IARS1: variants seen among roughly 807,000 people sequenced by gnomAD.
The protein encoded by IARS1 is isoleucine--tRNA ligase, cytoplasmic.
IARS1 carries 124 observed loss-of-function variants against 168.2 expected under a neutral mutation model. That is an observed-to-expected ratio of 0.74 (90% CI 0.64 to 0.86). The LOEUF (loss-of-function observed/expected upper bound fraction) is 0.86, where lower values mean the gene tolerates loss of function less well. Ranked by LOEUF, IARS1 falls within the 40% of genes least tolerant of loss-of-function variation. The pLI is 0.00. For missense variants in IARS1, 1,452 were observed against 1,515.8 expected (o/e 0.96, Z 0.70); for synonymous variants, 532 against 529.4 (o/e 1.00, Z -0.07).
chr9:92,289,477 CAG>C, intron 1 of IARS1, 51 bp from the exon 2 acceptor site: 1 of 816,680 alleles, frequency 1.2e-6, no homozygotes, highest in Non-Finnish European at 2.2e-6. Context: ...CTAGGAATAA[CAG>C]AGTACCATAT....
chr9:92,268,363 A>C, intron 13 of IARS1, 63 bp from the exon 14 acceptor site: 1 of 1,540,660 alleles, frequency 6.5e-7, no homozygotes, highest in East Asian at 2.3e-5. Context: ...CATGTAAATA[A>C]TACCCACAGG....
At chr9:92,293,497 C>T (rs1434050956) in intron 1 of IARS1, 114 bp downstream of exon 1, 1 of 527,720 alleles carries the variant, frequency 1.9e-6, no homozygotes, top group Admixed American at 2.0e-5. Flanking sequence ...AACGGCAAGC[C>T]CCGAAGAAAC....
At chr9:92,286,477 C>A in intron 5 of IARS1, 59 bp downstream of exon 5, 1 of 880,810 alleles carries the variant, frequency 1.1e-6, no homozygotes, top group Non-Finnish European at 1.8e-6. Flanking sequence ...TGCATTTTTC[C>A]AATTATCAAT....
At position 92,250,846 on chromosome 9, in the gene IARS1, C is replaced by T; in HGVS notation, c.2308-12G>A. The T allele has an allele frequency of 5.0e-6, 8 of 1,591,288 alleles. No homozygotes were observed. The highest frequency in any genetic ancestry group is 6.8e-6 in the Non-Finnish European group (8 of 1,170,328). The stretch of plus-strand genomic sequence containing the variant: ...GGTGTGTAGGGAGCCTGTATGAAGA[C>T]ACAGGACATCATGTCAGTTATATGC... On this transcript the variant is annotated splice_polypyrimidine_tract_variant and intron_variant, in intron 22 of 33. Coordinates refer to ENST00000443024, the MANE Select transcript of IARS1 (RefSeq NM_002161.6).
At chr9:92,282,297 A>G (rs1320647507) in intron 6 of IARS1, among the ~76,000 whole-genome samples, 1 of 151,442 alleles carries the variant, frequency 6.6e-6, no homozygotes, top group Non-Finnish European at 1.5e-5. Context: ...ATCAAAATTA[A>G]TTTTTTTCTT....
chr9:92,224,549 T>C (rs965623908), intron 31 of IARS1, among the ~76,000 whole-genome samples: 2 of 152,090 alleles, frequency 1.3e-5, no homozygotes, highest in Non-Finnish European at 2.9e-5. Flanking sequence ...GATCTAAAAA[T>C]GGGTGAGGCT....
intron 33 of IARS1, among the ~76,000 whole-genome samples, chr9:92,214,760 C>G (rs1838356154): frequency 6.6e-6 from 1 of 152,230 alleles, no homozygotes. Context: ...GCACCTAGCT[C>G]GGAGGGTCCT....
chr9:92,285,648 C>A, intron 6 of IARS1, 74 bp downstream of exon 6: 1 of 880,056 alleles, frequency 1.1e-6, no homozygotes, highest in Non-Finnish European at 1.9e-6. Context: ...CTTGGGAATA[C>A]CTACTGTGAT....
chr9:92,245,014 G>A lies in IARS1; in HGVS notation c.2849C>T (p.Thr950Ile), dbSNP rs1347752502. ...LHDEDIRLMY[T>I]FDQATGGTAQ... ...AGTCCCACCTGTGGCCTGATCAAAGGTGTACATGAGGCGGATGTCTTCATC... is the reference window on the plus strand; with the variant it reads ...AGTCCCACCTGTGGCCTGATCAAAGATGTACATGAGGCGGATGTCTTCATC... Residue 950 changes from threonine to isoleucine, a missense_variant, in exon 27 of 34, where the codon ACC (threonine) becomes ATC (isoleucine). Thr to Ile is a moderately conservative substitution (Grantham distance 89). Coordinates refer to ENST00000443024, the MANE Select transcript of IARS1 (RefSeq NM_002161.6). 2 of 1,614,182 alleles carry A rather than the reference G, an allele frequency of 1.2e-6. No homozygotes were observed. Among genetic ancestry groups the A allele is most frequent in the East Asian group, 2.2e-5 (1 of 44,886 alleles).
chr9:92,254,228 C>G (rs1438397647), intron 20 of IARS1, among the ~76,000 whole-genome samples: 1 of 152,146 alleles, frequency 6.6e-6, no homozygotes, highest in Non-Finnish European at 1.5e-5. Flanking sequence ...TTGAAGAGTT[C>G]CCTGAGAAAC....
intron 2 of IARS1, among the ~76,000 whole-genome samples, chr9:92,288,934 C>T (rs1043608435): frequency 5.9e-5 from 9 of 152,096 alleles, no homozygotes; most frequent in African/African-American, 1.7e-4. Flanking sequence ...TTAGGCCGCG[C>T]GTGATGGCTC....
intron 22 of IARS1, 73 bp downstream of exon 22, chr9:92,251,735 G>A (rs913634848): frequency 4.1e-6 from 4 of 969,062 alleles, no homozygotes; most frequent in Middle Eastern, 2.1e-4. Flanking sequence ...TATAAATGGA[G>A]GATGCTGCAG....
rs1248246002 is a variant in IARS1 at position 92,285,862 on chromosome 9, A to G, written c.480-23T>C. The stretch of plus-strand genomic sequence containing the variant: ...CACCTGGTAAGAGATGGAGTTTCAC[A>G]ATTACAGAACAAAATTCTATTTCTG... On this transcript the variant is annotated intron_variant, in intron 5 of 33. Coordinates refer to ENST00000443024, the MANE Select transcript of IARS1 (RefSeq NM_002161.6). The G allele has an allele frequency of 3.8e-6, 5 of 1,307,710 alleles. No individual in the cohort carries two copies. In the Admixed American group the frequency reaches 9.0e-5, roughly 24 times the overall value. The allele number at this position is 1,307,710 out of a possible 1,614,324, so 81.0% of individuals were successfully genotyped here.
chr9:92,288,041 TCATC>T (rs1465435400), intron 3 of IARS1, 81 bp downstream of exon 3: 13 of 1,522,822 alleles, frequency 8.5e-6, no homozygotes, highest in Non-Finnish European at 1.2e-5. Flanking sequence ...CAGTCAACGT[TCATC>T]ATACTTGAAC....
At chr9:92,257,593 T>G (rs542879932) in intron 19 of IARS1, among the ~76,000 whole-genome samples, 2 of 152,306 alleles carry the variant, frequency 1.3e-5, no homozygotes, top group South Asian at 4.1e-4. Flanking sequence ...GGAAGATGAC[T>G]GCCCTTCTCA....
chr9:92,274,517 T>A lies in IARS1; in HGVS notation c.899A>T (p.Lys300Ile). ...AAGCACAGTGAAAGCGCCATTCTCT[T>A]TACACTGGAAAGAAAGGACAGCAGG... ...RPLFDYFLKC[K>I]ENGAFTVLVD... Residue 300 changes from lysine to isoleucine, a missense_variant, in exon 10 of 34, where the codon AAA becomes ATA. Transcript: ENST00000443024. The A allele has an allele frequency of 6.2e-7, 1 of 1,612,226 alleles. No homozygotes were observed. Among genetic ancestry groups the A allele is most frequent in the Non-Finnish European group, 8.5e-7 (1 of 1,178,374 alleles).
intron 20 of IARS1, chr9:92,253,947 G>C (rs1479699415): frequency 4.4e-6 from 2 of 449,838 alleles, no homozygotes; most frequent in Non-Finnish European, 8.9e-6. Flanking sequence ...GGAAACATTT[G>C]TCAACGTTTG....
chr9:92,263,300 G>A (rs1278559141), intron 16 of IARS1, among the ~76,000 whole-genome samples: 1 of 152,166 alleles, frequency 6.6e-6, no homozygotes, highest in Non-Finnish European at 1.5e-5. Flanking sequence ...GAGCTCCCAG[G>A]AAGTCTGTGT....
At chr9:92,286,782 G>A (rs1835532953) in intron 4 of IARS1, among the ~76,000 whole-genome samples, 164 bp from the exon 5 acceptor site, 2 of 152,140 alleles carry the variant, frequency 1.3e-5, no homozygotes, top group African/African-American at 4.8e-5. Context: ...GTAAGGTTAA[G>A]AACCAGTTTT....
Sources: allele counts gnomAD v4.1 joint callset (sites outside exome capture counted in the v4.1 genomes callset), GRCh38; gene constraint gnomAD v4.1.1; transcripts MANE v1.5; gene names NCBI Gene and HGNC (gene_info 2026-07-23, HGNC 2026-07-21).